Variants in FAM168A observed in about 807,000 individuals in gnomAD.
The protein encoded by FAM168A is protein FAM168A.
In FAM168A, 3 loss-of-function variants were observed where a neutral mutation model predicts 28.5. That is an observed-to-expected ratio of 0.11 (90% CI 0.05 to 0.27). The LOEUF is 0.27. Among genes scored for constraint, FAM168A ranks in the 10% least tolerant of loss-of-function variants. FAM168A has a pLI of 1.00. For synonymous variants in FAM168A, 122 were observed against 124.2 expected, an observed-to-expected ratio of 0.98 and a Z score of 0.12; for missense variants, 222 against 311.5, an observed-to-expected ratio of 0.71 and a Z score of 2.16.
chr11:73,516,381 G>C (rs1286889351), intron 1 of FAM168A, among the ~76,000 whole-genome samples: 1 of 152,134 alleles, frequency 6.6e-6, no homozygotes, highest in Non-Finnish European at 1.5e-5. Flanking sequence ...TTAAATGAGA[G>C]AAATTGTTGA....
chr11:73,507,622 A>AT (rs1228235026), intron 1 of FAM168A, among the ~76,000 whole-genome samples: 7 of 152,150 alleles, frequency 4.6e-5, no homozygotes, highest in African/African-American at 1.4e-4. Flanking sequence ...CCTAAAAAAA[A>AT]AGTTAAAAAA....
In FAM168A at chr11:73,451,061, G is replaced by A. The variant is rs186711375; in HGVS notation, c.70+17344C>T. Among the ~76,000 whole-genome samples the A allele has an allele frequency of 3.9e-5, 6 of 152,210 alleles. No individual in the cohort carries two copies. The East Asian group carries it at 1.2e-3, about 29-fold the overall frequency. ...CATGTGTGATATATATTAGGGGTTG[G>A]GAAGACAAACATAAACTAGATAATT... is the stretch of plus-strand genomic sequence containing the variant. On this transcript the variant is annotated intron_variant, in intron 2 of 7. Transcript: ENST00000356467.
At chr11:73,534,260 G>A (rs1943549101) in intron 1 of FAM168A, among the ~76,000 whole-genome samples, 1 of 152,150 alleles carries the variant, frequency 6.6e-6, no homozygotes, top group Non-Finnish European at 1.5e-5. Flanking sequence ...AGCAGAAACT[G>A]ACTTATTAGA....
chr11:73,449,085 C>T (rs1867378363), intron 2 of FAM168A, among the ~76,000 whole-genome samples: 1 of 152,100 alleles, frequency 6.6e-6, no homozygotes, highest in African/African-American at 2.4e-5. Context: ...AAGCAATCCT[C>T]CTGCCTTAGC....
rs935028258 is a variant in FAM168A, at chr11:73,460,756, G to A, written c.70+7649C>T. The stretch of plus-strand genomic sequence containing the variant: ...TGACTTCAGGTAATCCACCCACCTC[G>A]GCCTTCCAAAGTGCTGGGATTACAG... On this transcript the variant is annotated intron_variant, in intron 2 of 7. Transcript: ENST00000356467. Among the ~76,000 whole-genome samples, 7 of 152,136 alleles carry A rather than the reference G, an allele frequency of 4.6e-5. No homozygotes were observed. The East Asian group carries it at 5.8e-4, about 13-fold the overall frequency.
At chr11:73,497,291 C>T (rs906245589) in intron 1 of FAM168A, among the ~76,000 whole-genome samples, 2 of 151,984 alleles carry the variant, frequency 1.3e-5, no homozygotes, top group African/African-American at 4.8e-5. Context: ...ATGGTGAAAC[C>T]CCGTCTCTAC....
Position 73,495,149 on chromosome 11 carries a change from C to T in FAM168A, c.-18-26657G>A, listed in dbSNP as rs1201498136. Among the ~76,000 whole-genome samples the T allele has an allele frequency of 3.4e-5, 5 of 147,248 alleles. No individual in the cohort carries two copies. The South Asian group carries it at 1.1e-3, about 31-fold the overall frequency. On this transcript the variant is annotated intron_variant, in intron 1 of 7. Coordinates refer to ENST00000356467, the MANE Select transcript of FAM168A (RefSeq NM_015159.3). ...ACGTAAAAAAAAAAAAAAAATCAAA[C>T]TGATCCCGTCTCTGCTGAAAATACA... is the stretch of plus-strand genomic sequence containing the variant.
intron 1 of FAM168A, among the ~76,000 whole-genome samples, chr11:73,569,638 A>G (rs1411475858): frequency 6.6e-6 from 1 of 152,074 alleles, no homozygotes; most frequent in African/African-American, 2.4e-5. Context: ...CCTGGCCAAT[A>G]TGGTGAAACC....
At chr11:73,529,235 T>C (rs1943485508) in intron 1 of FAM168A, among the ~76,000 whole-genome samples, 1 of 152,096 alleles carries the variant, frequency 6.6e-6, no homozygotes, top group Non-Finnish European at 1.5e-5. Context: ...TATGCTTGCC[T>C]TCATAAGCTG....
At chr11:73,447,965 G>T (rs1867353026) in intron 2 of FAM168A, among the ~76,000 whole-genome samples, 1 of 152,118 alleles carries the variant, frequency 6.6e-6, no homozygotes, top group African/African-American at 2.4e-5. Flanking sequence ...TATAAAACGG[G>T]ATAATAATCA....
chr11:73,583,669 A>C lies in FAM168A; in HGVS notation c.-19+14254T>G, dbSNP rs902494091. Among the ~76,000 whole-genome samples, 12 of 152,236 alleles carry C rather than the reference A, an allele frequency of 7.9e-5. No individual in the cohort carries two copies. In the East Asian group the frequency reaches 2.3e-3, roughly 29 times the overall value. ...CAGAGTAGACCAATTAAGAGTAACAAAGAGATATCTAGGCCAAGAGAACAG... is the reference window on the plus strand; with the variant it reads ...CAGAGTAGACCAATTAAGAGTAACACAGAGATATCTAGGCCAAGAGAACAG... On this transcript the variant is annotated intron_variant, in intron 1 of 7. Transcript: ENST00000356467.
intron 2 of FAM168A, among the ~76,000 whole-genome samples, chr11:73,463,294 C>CT (rs970586393): frequency 3.0e-4 from 46 of 152,154 alleles, no homozygotes; most frequent in African/African-American, 9.9e-4. Context: ...TTACTGCAAT[C>CT]TTTTTTAAAA....
At position 73,468,536 on chromosome 11, in the gene FAM168A, T is replaced by C. The variant is rs1867770891; in HGVS notation, c.-18-44A>G. On this transcript the variant is annotated intron_variant, in intron 1 of 7. Coordinates refer to ENST00000356467, the MANE Select transcript of FAM168A (RefSeq NM_015159.3). ...AAACAGCACTGATATTGATTGTTCA[T>C]TCTTCCTGACATCAGCTTCTCCTCC... The C allele has an allele frequency of 2.1e-6, 3 of 1,437,662 alleles. No homozygotes were observed. The Admixed American group carries it at 5.2e-5, about 25-fold the overall frequency. 89.1% of individuals were successfully genotyped at this position (1,437,662 alleles called of 1,614,324 possible).
chr11:73,588,973 G>A (rs1944349258), intron 1 of FAM168A, among the ~76,000 whole-genome samples: 1 of 152,012 alleles, frequency 6.6e-6, no homozygotes, highest in African/African-American at 2.4e-5. Context: ...AGGAAACATC[G>A]AGAAGATGGC....
At chr11:73,432,201 CT>C (rs1325510938) in intron 2 of FAM168A, among the ~76,000 whole-genome samples, 3 of 152,134 alleles carry the variant, frequency 2.0e-5, no homozygotes, top group Non-Finnish European at 4.4e-5. Flanking sequence ...TTGTTTCTAC[CT>C]TTTGGCTATT....
chr11:73,523,258 T>C (rs377339516), intron 1 of FAM168A, among the ~76,000 whole-genome samples: 41 of 152,192 alleles, frequency 2.7e-4, no homozygotes, highest in African/African-American at 9.2e-4. Flanking sequence ...TTTCCATGTA[T>C]GGTAATAACG....
intron 4 of FAM168A, 124 bp downstream of exon 4, chr11:73,419,750 A>T: frequency 7.9e-7 from 1 of 1,272,280 alleles, no homozygotes. Flanking sequence ...GCCTGGGTAA[A>T]AGAACCTCTT....
At position 73,402,327 on chromosome 11, in the gene FAM168A, C is replaced by T. The variant is rs1565228746; in HGVS notation, c.*4436G>A. On this transcript the variant is annotated 3_prime_UTR_variant, in exon 8 of 8. Coordinates refer to ENST00000356467, the MANE Select transcript of FAM168A (RefSeq NM_015159.3). ...AGCTGAGGAATTTGATATGGAAGCTCTGAGCCTCGCTTAGTCAGTGCCTCG... is the reference window on the plus strand; with the variant it reads ...AGCTGAGGAATTTGATATGGAAGCTTTGAGCCTCGCTTAGTCAGTGCCTCG... The T allele has an allele frequency of 1.3e-5, 2 of 152,280 alleles. No individual in the cohort carries two copies. The highest frequency in any genetic ancestry group is 1.5e-5 in the Non-Finnish European group (1 of 68,066). 9.4% of individuals were successfully genotyped at this position (152,280 alleles called of 1,614,324 possible).
chr11:73,489,731 G>C (rs879607175), intron 1 of FAM168A, among the ~76,000 whole-genome samples: 1 of 152,052 alleles, frequency 6.6e-6, no homozygotes, highest in Non-Finnish European at 1.5e-5. Flanking sequence ...GGCTGGTCTT[G>C]AATCCCTGGG....
Sources: allele counts gnomAD v4.1 joint callset (sites outside exome capture counted in the v4.1 genomes callset), GRCh38; gene constraint gnomAD v4.1.1; transcripts MANE v1.5; gene names NCBI Gene and HGNC (gene_info 2026-07-23, HGNC 2026-07-21).